The following ST6GAL2 variants were observed in gnomAD, a reference collection of about 807,000 sequenced individuals.
The protein encoded by ST6GAL2 is beta-galactoside alpha-2,6-sialyltransferase 2.
ST6GAL2 carries 24 observed loss-of-function variants against 37.5 expected under a neutral mutation model. The observed-to-expected ratio is 0.64, with a 90% CI of 0.46 to 0.90. The LOEUF (loss-of-function observed/expected upper bound fraction) is 0.90. ST6GAL2 is among the 40% of genes least tolerant of loss of function. The pLI, the probability that ST6GAL2 is intolerant of heterozygous loss-of-function variation, is 0.00. For synonymous variants in ST6GAL2, 306 were observed against 295.1 expected, an observed-to-expected ratio of 1.04 and a Z score of -0.38; for missense variants, 715 against 712.7, an observed-to-expected ratio of 1.00 and a Z score of -0.04.
At chr2:106,829,845 T>C (rs928787521) in intron 5 of ST6GAL2, among the ~76,000 whole-genome samples, 2 of 152,122 alleles carry the variant, frequency 1.3e-5, no homozygotes, top group African/African-American at 4.8e-5. Context: ...CAAAGGCTCA[T>C]TGAAGCATTT....
chr2:106,812,961 G>T, intron 5 of ST6GAL2: 1 of 1,015,788 alleles, frequency 9.8e-7, no homozygotes, highest in South Asian at 5.2e-5. Context: ...ACTAATGAAA[G>T]TTTTACTGCT....
intron 1 of ST6GAL2, among the ~76,000 whole-genome samples, chr2:106,872,210 A>G (rs1678298137): frequency 6.6e-6 from 1 of 152,342 alleles, no homozygotes; most frequent in Admixed American, 6.5e-5. Context: ...TTGACTGTAT[A>G]CTATCTGAAA....
rs10700905 is a variant in ST6GAL2, at chr2:106,836,944, C to CAA, written c.944-2800_944-2799dup. Among the ~76,000 whole-genome samples, 398 of 85,620 alleles carry CAA rather than the reference C, an allele frequency of 4.6e-3. 7 individuals carry two copies. Among genetic ancestry groups the CAA allele is most frequent in the Middle Eastern group, 6.0e-3 (1 of 168 alleles). 56.2% of individuals were successfully genotyped at this position (85,620 alleles called of 152,430 possible). A position where few individuals can be genotyped will look rare whatever the true frequency, so the allele number is the denominator to read the frequency against. ...GAGCAACAGGAGCAAAATTCCATCT[C>CAA]AAAAAAAAAAAAAAAAAAGAATTGA... On this transcript the variant is annotated intron_variant, in intron 2 of 5. Coordinates refer to ENST00000409382, the MANE Select transcript of ST6GAL2 (RefSeq NM_001142351.2).
intron 5 of ST6GAL2, among the ~76,000 whole-genome samples, chr2:106,807,468 C>T (rs894157978): frequency 6.6e-5 from 10 of 152,230 alleles, no homozygotes; most frequent in African/African-American, 2.4e-4. Flanking sequence ...AGCTCTTATA[C>T]TATAGTTGTC....
At position 106,843,906 on chromosome 2, in the gene ST6GAL2, C is replaced by T; in HGVS notation, c.72G>A (p.Leu24=). The change falls in exon 2 of 6, where the codon TTG becomes TTA. Residue 24 remains leucine, a synonymous_variant. Coordinates refer to ENST00000409382, the MANE Select transcript of ST6GAL2 (RefSeq NM_001142351.2). ...FGIFAWGLLF[L]LIFIYFTDSN... ...TGTCGGTGAAGTAGATGAAAATCAGCAAAAAGAGGAGCCCCCAAGCGAATA... is the reference window on the plus strand; with the variant it reads ...TGTCGGTGAAGTAGATGAAAATCAGTAAAAAGAGGAGCCCCCAAGCGAATA... 1 of 1,602,322 alleles carries T rather than the reference C, an allele frequency of 6.2e-7. No homozygotes were observed.
rs1675381661 is a variant in ST6GAL2, at chr2:106,805,302, C to A, written c.*1376G>T. On this transcript the variant is annotated 3_prime_UTR_variant, in exon 6 of 6. Transcript: ENST00000409382. Reference sequence around the variant, plus strand: ...ACCATGGAGATATGTTTTGGTTATACATTGAAATAATAGCATGTTTAATTA... The same window carrying A: ...ACCATGGAGATATGTTTTGGTTATAAATTGAAATAATAGCATGTTTAATTA... 2 of 152,182 alleles carry A rather than the reference C, an allele frequency of 1.3e-5. No homozygotes were observed. The highest frequency in any genetic ancestry group is 4.1e-4 in the South Asian group (2 of 4,830). The allele number at this position is 152,182 out of a possible 1,614,324, so 9.4% of individuals were successfully genotyped here.
intron 1 of ST6GAL2, among the ~76,000 whole-genome samples, chr2:106,860,966 C>G (rs1448122): frequency 0.88 from 133,259 of 152,222 alleles, 58,476 homozygotes; most frequent in East Asian, 0.98. Flanking sequence ...ACTTTTGCTG[C>G]CTTCAGCAGT....
intron 3 of ST6GAL2, among the ~76,000 whole-genome samples, chr2:106,833,634 C>A (rs1168419855): frequency 6.6e-6 from 1 of 152,128 alleles, no homozygotes; most frequent in East Asian, 1.9e-4. Context: ...TTTCAAATTT[C>A]CAAATGGCAG....
chr2:106,873,482 G>A (rs1354451756), intron 1 of ST6GAL2, among the ~76,000 whole-genome samples: 2 of 152,286 alleles, frequency 1.3e-5, no homozygotes, highest in East Asian at 1.9e-4. Context: ...CACACCAGGT[G>A]CTGAAAATGT....
intron 1 of ST6GAL2, among the ~76,000 whole-genome samples, chr2:106,859,060 A>G (rs898982842): frequency 6.6e-6 from 1 of 152,190 alleles, no homozygotes; most frequent in African/African-American, 2.4e-5. Flanking sequence ...ACAGTACAAC[A>G]TATGTGCAAG....
intron 1 of ST6GAL2, among the ~76,000 whole-genome samples, chr2:106,870,219 C>T (rs922404503): frequency 6.6e-6 from 1 of 152,126 alleles, no homozygotes; most frequent in South Asian, 2.1e-4. Context: ...GAGCCCCCAG[C>T]CTGATGCTAG....
chr2:106,820,591 A>G (rs1675967466), intron 5 of ST6GAL2, among the ~76,000 whole-genome samples: 1 of 152,118 alleles, frequency 6.6e-6, no homozygotes, highest in South Asian at 2.1e-4. Flanking sequence ...GAAAATCAAC[A>G]AAGAAACATT....
At position 106,837,713 on chromosome 2, in the gene ST6GAL2, G is replaced by A. The variant is rs1405916396; in HGVS notation, c.944-3567C>T. Among the ~76,000 whole-genome samples the A allele has an allele frequency of 7.9e-5, 12 of 152,188 alleles. No individual in the cohort carries two copies. In the South Asian group the frequency reaches 1.9e-3, roughly 24 times the overall value. On this transcript the variant is annotated intron_variant, in intron 2 of 5. Transcript: ENST00000409382. ...GACACAGCCTACCCAAGGGCCTCAA[G>A]CGGTGGGTGCATTTCTATTATTTGA...
intron 2 of ST6GAL2, among the ~76,000 whole-genome samples, chr2:106,840,146 G>GT: frequency 6.6e-6 from 1 of 152,346 alleles, no homozygotes; most frequent in Middle Eastern, 3.4e-3. Context: ...GATAAGCAGT[G>GT]ATCATCTGAG....
chr2:106,868,120 A>C (rs1336464480), intron 1 of ST6GAL2, among the ~76,000 whole-genome samples: 1 of 152,198 alleles, frequency 6.6e-6, no homozygotes, highest in Non-Finnish European at 1.5e-5. Flanking sequence ...CTAGCCACAA[A>C]TACTACCTTT....
At chr2:106,869,853 T>C (rs1224216457) in intron 1 of ST6GAL2, among the ~76,000 whole-genome samples, 2 of 152,138 alleles carry the variant, frequency 1.3e-5, no homozygotes, top group African/African-American at 4.8e-5. Context: ...ACCTCACCCC[T>C]TCCTGACACC....
At chr2:106,854,901 A>T (rs561377914) in intron 1 of ST6GAL2, among the ~76,000 whole-genome samples, 11 of 150,724 alleles carry the variant, frequency 7.3e-5, no homozygotes, top group Admixed American at 2.0e-4. Flanking sequence ...AAATAAATAT[A>T]CTTTAAGGAA....
chr2:106,830,333 G>C, intron 4 of ST6GAL2, 93 bp from the exon 5 acceptor site: 1 of 1,007,998 alleles, frequency 9.9e-7, no homozygotes, highest in Non-Finnish European at 1.5e-6. Context: ...AGAGGGGCCA[G>C]GCTGGGGCTA....
intron 5 of ST6GAL2, among the ~76,000 whole-genome samples, chr2:106,807,464 T>C (rs1367480741): frequency 6.6e-6 from 1 of 152,220 alleles, no homozygotes; most frequent in Non-Finnish European, 1.5e-5. Context: ...GATCAGCTCT[T>C]ATACTATAGT....
Sources: allele counts gnomAD v4.1 joint callset (sites outside exome capture counted in the v4.1 genomes callset), GRCh38; gene constraint gnomAD v4.1.1; transcripts MANE v1.5; gene names NCBI Gene and HGNC (gene_info 2026-07-23, HGNC 2026-07-21).